Variants in CELF1 observed in about 807,000 individuals in gnomAD.
The protein encoded by CELF1 is CUGBP Elav-like family member 1, also known as 50 kDa nuclear polyadenylated RNA-binding protein.
CELF1 carries 10 observed loss-of-function variants against 61.8 expected under a neutral mutation model. The observed-to-expected ratio is 0.16, with a 90% CI of 0.10 to 0.27. The LOEUF is 0.27. CELF1 is among the 10% of genes least tolerant of loss of function. The pLI is 1.00. For synonymous variants in CELF1, 236 were observed against 225.1 expected (o/e 1.05, Z -0.43); for missense variants, 380 against 639.1 (o/e 0.59, Z 4.37).
intron 1 of CELF1, among the ~76,000 whole-genome samples, chr11:47,512,134 G>A (rs1227843892): frequency 6.6e-6 from 1 of 151,928 alleles, no homozygotes; most frequent in Non-Finnish European, 1.5e-5. Flanking sequence ...TTACAGGAGT[G>A]AGCCACTGTG....
In CELF1 at chr11:47,471,176, A is replaced by G. The variant is rs2077618539; in HGVS notation, c.*1054T>C. 6.6e-6 allele frequency: 1 copy of G among 152,162 alleles called. No individual in the cohort carries two copies. The highest frequency in any genetic ancestry group is 1.5e-5 in the Non-Finnish European group (1 of 68,040). 9.4% of individuals were successfully genotyped at this position (152,162 alleles called of 1,614,324 possible). On this transcript the variant is annotated 3_prime_UTR_variant, in exon 15 of 15. Coordinates refer to ENST00000687097, the MANE Select transcript of CELF1 (RefSeq NM_001376376.1). ...ACCTTCTGATTCAAGTACACCAAGA[A>G]ATAAGCTCCTCCTCCCCCAACTAGA...
chr11:47,525,494 T>C (rs34958982), intron 1 of CELF1, among the ~76,000 whole-genome samples: 42,685 of 152,082 alleles, frequency 0.28, 7,022 homozygotes, highest in Middle Eastern at 0.38. Context: ...TCCCCCCTTA[T>C]AGAGATGGGG....
chr11:47,557,656 C>T (rs2097209891), upstream of CELF1: 1 of 146,352 alleles, frequency 6.8e-6, no homozygotes, highest in Non-Finnish European at 1.5e-5. Flanking sequence ...CGGTTCACCA[C>T]TCCTTAGGCA....
At chr11:47,472,843 A>T (rs78168876) in intron 14 of CELF1, among the ~76,000 whole-genome samples, 2,359 of 152,296 alleles carry the variant, frequency 0.015, 47 homozygotes, top group African/African-American at 0.047. Flanking sequence ...TGGACTGTTT[A>T]AAGGTTTTTT....
intron 3 of CELF1, among the ~76,000 whole-genome samples, chr11:47,491,609 GT>G (rs1459078191): frequency 6.6e-6 from 1 of 152,128 alleles, no homozygotes; most frequent in Non-Finnish European, 1.5e-5. Context: ...ATTCTTCCAG[GT>G]TAACTAATCA....
chr11:47,558,552 ATAT>A (rs1257600258), intron 2 of CELF1, among the ~76,000 whole-genome samples: 1 of 115,084 alleles, frequency 8.7e-6, no homozygotes, highest in African/African-American at 3.7e-5. Context: ...TTTATATTAT[ATAT>A]ATTTATATAT....
intron 1 of CELF1, among the ~76,000 whole-genome samples, chr11:47,546,450 G>T (rs1016283012): frequency 6.6e-6 from 1 of 151,826 alleles, no homozygotes. Flanking sequence ...ATTTTTGGCA[G>T]AGACGGGGTT....
At position 47,485,507 on chromosome 11, in the gene CELF1, AAGAAG is replaced by A. The variant is rs570805091; in HGVS notation, c.392-989_392-985del. Among the ~76,000 whole-genome samples, 15 of 152,312 alleles carry A rather than the reference AAGAAG, an allele frequency of 9.8e-5. No homozygotes were observed. The South Asian group carries it at 2.3e-3, about 23-fold the overall frequency. ...CTCTTACTGGCAATACTACTAAAGA[AAGAAG>A]AGGTTTTCACACTTGATATGACAAG... On this transcript the variant is annotated intron_variant, in intron 6 of 14. Coordinates refer to ENST00000687097, the MANE Select transcript of CELF1 (RefSeq NM_001376376.1).
intron 1 of CELF1, among the ~76,000 whole-genome samples, chr11:47,550,122 T>C (rs968522647): frequency 6.6e-6 from 1 of 152,096 alleles, no homozygotes; most frequent in Non-Finnish European, 1.5e-5. Flanking sequence ...GCCAATTTTG[T>C]GTTTTTAACC....
intron 3 of CELF1, among the ~76,000 whole-genome samples, chr11:47,490,096 G>A (rs1431449879): frequency 6.6e-6 from 1 of 151,080 alleles, no homozygotes; most frequent in African/African-American, 2.4e-5. Flanking sequence ...CTGCTACCAT[G>A]CCCAGCTAAT....
chr11:47,478,259 T>C (rs2081151437), intron 10 of CELF1, among the ~76,000 whole-genome samples: 1 of 152,248 alleles, frequency 6.6e-6, no homozygotes, highest in Non-Finnish European at 1.5e-5. Flanking sequence ...CAAATGCACA[T>C]TTGGCCTAGC....
At chr11:47,563,670 TAGA>T (rs1243798112) in intron 2 of CELF1, among the ~76,000 whole-genome samples, 2 of 151,536 alleles carry the variant, frequency 1.3e-5, no homozygotes, top group Non-Finnish European at 2.9e-5. Context: ...GCCTAGTCAA[TAGA>T]AGGAGACTCC....
intron 1 of CELF1, among the ~76,000 whole-genome samples, chr11:47,520,723 G>T (rs2095842927): frequency 6.6e-6 from 1 of 151,970 alleles, no homozygotes; most frequent in Non-Finnish European, 1.5e-5. Context: ...GAGGTGGGAG[G>T]ATCACTTGAC....
chr11:47,554,216 C>T (rs1229173009), upstream of CELF1, among the ~76,000 whole-genome samples: 1 of 152,088 alleles, frequency 6.6e-6, no homozygotes, highest in East Asian at 1.9e-4. Context: ...CAGAGTTTTT[C>T]TGGTACCATA....
At chr11:47,558,675 A>G (rs867291229) in intron 2 of CELF1, among the ~76,000 whole-genome samples, 2 of 113,804 alleles carry the variant, frequency 1.8e-5, no homozygotes, top group African/African-American at 7.0e-5. Context: ...ATAATATAAT[A>G]TGTAATATAT....
At chr11:47,545,915 A>AT (rs11315630) in intron 1 of CELF1, among the ~76,000 whole-genome samples, 30 of 135,922 alleles carry the variant, frequency 2.2e-4, no homozygotes, top group South Asian at 7.0e-4. Context: ...GTATATATAT[A>AT]TTTTTTTTTT....
intron 1 of CELF1, among the ~76,000 whole-genome samples, chr11:47,535,630 G>C (rs896464692): frequency 2.0e-5 from 3 of 148,844 alleles, no homozygotes; most frequent in African/African-American, 7.5e-5. Flanking sequence ...AGTGAGCCAA[G>C]GTTGCACCAC....
At chr11:47,509,643 C>A (rs2094896068) in intron 1 of CELF1, among the ~76,000 whole-genome samples, 1 of 152,144 alleles carries the variant, frequency 6.6e-6, no homozygotes, top group South Asian at 2.1e-4. Flanking sequence ...GTAATCCCAG[C>A]ACTTTGGGAG....
Position 47,466,400 on chromosome 11 carries a change from G to A in CELF1, c.*5830C>T, listed in dbSNP as rs555880730. On this transcript the variant is annotated 3_prime_UTR_variant, in exon 15 of 15. Transcript: ENST00000687097. ...GTTGTTGCTGCAGAACAGACTGTGC[G>A]TTTGGTCATAGTGGCAATTTTTTTT... 8 of 152,152 alleles carry A rather than the reference G, an allele frequency of 5.3e-5. No individual in the cohort carries two copies. The highest frequency in any genetic ancestry group is 6.5e-5 in the Admixed American group (1 of 15,276). 9.4% of individuals were successfully genotyped at this position (152,152 alleles called of 1,614,324 possible).
Sources: gnomAD v4.1 joint callset for allele counts (sites outside exome capture counted in the v4.1 genomes callset) on GRCh38, gnomAD v4.1.1 for gene constraint, MANE v1.5 for transcripts, NCBI Gene and HGNC (gene_info 2026-07-23, HGNC 2026-07-21) for gene names.